F13A1: variants seen among roughly 807,000 people sequenced by gnomAD.
The protein encoded by F13A1 is FSF, A subunit.
In F13A1, 47 loss-of-function variants were observed where a neutral mutation model predicts 80.1. The observed-to-expected ratio is 0.59, with a 90% confidence interval of 0.46 to 0.75. The LOEUF (loss-of-function observed/expected upper bound fraction) is 0.75. Ranked by LOEUF, F13A1 falls within the 30% of genes least tolerant of loss-of-function variation. F13A1 has a pLI of 0.00. For synonymous variants in F13A1, 349 were observed against 344.9 expected, an observed-to-expected ratio of 1.01 and a Z score of -0.13; for missense variants, 817 against 930.4, an observed-to-expected ratio of 0.88 and a Z score of 1.59.
intron 12 of F13A1, chr6:6,169,423 T>C (rs7769202): frequency 0.33 from 50,469 of 153,944 alleles, 8,503 homozygotes; most frequent in South Asian, 0.39. Context: ...ACAATGCCTA[T>C]TGAAGTGTGA....
intron 8 of F13A1, among the ~76,000 whole-genome samples, chr6:6,208,518 T>A (rs1354351187): frequency 6.6e-6 from 1 of 152,154 alleles, no homozygotes; most frequent in Non-Finnish European, 1.5e-5. Context: ...TTTCCCAAAT[T>A]CAATGAAAGA....
Position 6,266,482 on chromosome 6 carries a change from G to A in F13A1, c.571+76C>T, listed in dbSNP as rs143144048. On this transcript the variant is annotated intron_variant, in intron 4 of 14. Transcript: ENST00000264870. ...CCATCTTGGCCTCCCAAAGAGCTGG[G>A]AGTATAGGCATGTGCCATGGCACCC... 4.7e-3 allele frequency: 7,487 copies of A among 1,609,722 alleles called. 23 individuals carry two copies. The highest frequency in any genetic ancestry group is 7.6e-3 in the Middle Eastern group (46 of 6,052).
Position 6,145,193 on chromosome 6 carries a change from AT to A in F13A1, c.*425del. On this transcript the variant is annotated 3_prime_UTR_variant, in exon 15 of 15. Coordinates refer to ENST00000264870, the MANE Select transcript of F13A1 (RefSeq NM_000129.4). ...CCTGACCCCGAGAAAGGGGACTGGA[AT>A]TCTAGAGCCCAAATCATGTGCTATT... 2 of 219,762 alleles carry A rather than the reference AT, an allele frequency of 9.1e-6. No homozygotes were observed. Among genetic ancestry groups the A allele is most frequent in the East Asian group, 2.4e-4 (2 of 8,396 alleles). 13.6% of individuals were successfully genotyped at this position (219,762 alleles called of 1,614,324 possible).
intron 3 of F13A1, among the ~76,000 whole-genome samples, chr6:6,278,634 G>A (rs1351523336): frequency 6.6e-6 from 1 of 151,780 alleles, no homozygotes; most frequent in Non-Finnish European, 1.5e-5. Flanking sequence ...AGAGGGAATT[G>A]TGGGAGATGA....
At chr6:6,170,233 G>A (rs1760748985) in intron 12 of F13A1, among the ~76,000 whole-genome samples, 1 of 152,282 alleles carries the variant, frequency 6.6e-6, no homozygotes, top group African/African-American at 2.4e-5. Flanking sequence ...TATTTCTAGA[G>A]GACTATGTTT....
intron 8 of F13A1, among the ~76,000 whole-genome samples, 172 bp from the exon 9 acceptor site, chr6:6,197,498 T>C (rs577489216): frequency 1.1e-4 from 16 of 152,128 alleles, no homozygotes; most frequent in Non-Finnish European, 1.9e-4. Context: ...GCCAACATGA[T>C]GAAACCCTGT....
intron 3 of F13A1, among the ~76,000 whole-genome samples, chr6:6,302,311 G>A (rs920258289): frequency 7.2e-5 from 11 of 152,122 alleles, no homozygotes; most frequent in African/African-American, 2.7e-4. Context: ...ATGTTGTTAG[G>A]CAGGTGATTT....
intron 3 of F13A1, among the ~76,000 whole-genome samples, chr6:6,280,570 C>T (rs922356656): frequency 2.6e-5 from 4 of 152,130 alleles, no homozygotes; most frequent in Non-Finnish European, 5.9e-5. Context: ...TGTATTCAAG[C>T]CTAGTTTTTT....
At chr6:6,301,711 C>T (rs1305304765) in intron 3 of F13A1, among the ~76,000 whole-genome samples, 1 of 152,224 alleles carries the variant, frequency 6.6e-6, no homozygotes, top group Non-Finnish European at 1.5e-5. Context: ...CTGGACCTTT[C>T]CCATTGTTGG....
chr6:6,300,386 T>C (rs1758406924), intron 3 of F13A1, among the ~76,000 whole-genome samples: 4 of 151,234 alleles, frequency 2.6e-5, no homozygotes, highest in Admixed American at 2.0e-4. Flanking sequence ...GTGCCAGCAA[T>C]CAGCGAGACT....
intron 6 of F13A1, among the ~76,000 whole-genome samples, chr6:6,227,531 T>G (rs1288511978): frequency 6.6e-6 from 1 of 152,238 alleles, no homozygotes; most frequent in Non-Finnish European, 1.5e-5. Flanking sequence ...GCAGTTGGAT[T>G]GATTATTTAA....
chr6:6,201,723 GTTTTC>G (rs1761398101), intron 8 of F13A1, among the ~76,000 whole-genome samples: 1 of 151,390 alleles, frequency 6.6e-6, no homozygotes, highest in South Asian at 2.1e-4. Flanking sequence ...GTTTTGTTTT[GTTTTC>G]TTGAGACAGG....
At chr6:6,263,193 T>G (rs1002949718) in intron 4 of F13A1, among the ~76,000 whole-genome samples, 1 of 152,210 alleles carries the variant, frequency 6.6e-6, no homozygotes, top group Admixed American at 6.5e-5. Flanking sequence ...ACAGAAAGTC[T>G]TGAGAAAGGT....
intron 3 of F13A1, among the ~76,000 whole-genome samples, chr6:6,285,296 CT>C (rs1201344352): frequency 6.6e-6 from 1 of 152,218 alleles, no homozygotes; most frequent in African/African-American, 2.4e-5. Flanking sequence ...CTTAAACCCC[CT>C]CTGGGGTGTC....
chr6:6,237,351 A>G (rs972929821), intron 6 of F13A1, among the ~76,000 whole-genome samples: 2 of 151,946 alleles, frequency 1.3e-5, no homozygotes, highest in African/African-American at 4.8e-5. Context: ...CAGCAATTCT[A>G]TTTCTTCCCT....
rs1761172549 is a variant in F13A1 at position 6,190,679 on chromosome 6, T to C, written c.1305+5118A>G. ...GCAGAGGTTACTGCTGTCTTTTTGT[T>C]TGTCTGTGCCCTGCCCCCAGAGGTG... is the stretch of plus-strand genomic sequence containing the variant. On this transcript the variant is annotated intron_variant, in intron 10 of 14. Coordinates refer to ENST00000264870, the MANE Select transcript of F13A1 (RefSeq NM_000129.4). Among the ~76,000 whole-genome samples the C allele has an allele frequency of 4.0e-5, 6 of 151,738 alleles. No individual in the cohort carries two copies. In the South Asian group the frequency reaches 1.3e-3, roughly 32 times the overall value.
intron 3 of F13A1, among the ~76,000 whole-genome samples, chr6:6,282,080 T>C (rs1372815655): frequency 1.3e-5 from 2 of 151,304 alleles, no homozygotes; most frequent in African/African-American, 4.9e-5. Context: ...GTGAAAAGAA[T>C]GGTAAGTGAG....
chr6:6,306,885 A>G (rs931661077), intron 2 of F13A1, among the ~76,000 whole-genome samples: 4 of 151,954 alleles, frequency 2.6e-5, no homozygotes, highest in African/African-American at 9.7e-5. Context: ...GTCCCTTTGG[A>G]CCCCATTGTG....
At chr6:6,146,432 C>G (rs1191459928) in intron 14 of F13A1, among the ~76,000 whole-genome samples, 1 of 152,134 alleles carries the variant, frequency 6.6e-6, no homozygotes, top group African/African-American at 2.4e-5. Context: ...AATGACATAG[C>G]CTTTCATGGT....
Sources: allele counts gnomAD v4.1 joint callset (sites outside exome capture counted in the v4.1 genomes callset), GRCh38; gene constraint gnomAD v4.1.1; transcripts MANE v1.5; gene names NCBI Gene and HGNC (gene_info 2026-07-23, HGNC 2026-07-21).